PDXDC1: variants seen among roughly 807,000 people sequenced by gnomAD.
The protein encoded by PDXDC1 is pyridoxal dependent decarboxylase domain containing 1, also known as pyridoxal-dependent decarboxylase domain-containing protein 1.
PDXDC1 carries 42 observed loss-of-function variants against 100.1 expected under a neutral mutation model. The ratio of observed to expected loss-of-function variants is 0.42; its 90% CI spans 0.33 to 0.54. The LOEUF (loss-of-function observed/expected upper bound fraction) is 0.54. Ranked by LOEUF, PDXDC1 falls within the 20% of genes least tolerant of loss-of-function variation. The pLI is 0.10. For missense variants in PDXDC1, 636 were observed against 979.2 expected (o/e 0.65, Z 4.68); for synonymous variants, 260 against 371.7 (o/e 0.70, Z 3.46).
rs538101693 is a variant in PDXDC1 at position 15,032,906 on chromosome 16, C to G, written c.1617C>G (p.Pro539=). The G allele has an allele frequency of 3.1e-6, 5 of 1,612,350 alleles. No individual in the cohort carries two copies. Among genetic ancestry groups the G allele is most frequent in the Non-Finnish European group, 4.2e-6 (5 of 1,178,478 alleles). The change falls in exon 18 of 23, where the codon CCC becomes CCG. Residue 539 remains proline, a synonymous_variant. Transcript: ENST00000396410. ...ATAAGAGCAGTTTGAAATCAGATCC[C>G]GAAGGGGAAAACATCCATGCTGGAC... The part of the protein sequence containing the change: ...NDDKSSLKSD[P]EGENIHAGLL...
chr16:15,081,660 C>T (rs976901257), intron 16 of PDXDC1, among the ~76,000 whole-genome samples: 5 of 152,144 alleles, frequency 3.3e-5, no homozygotes, highest in African/African-American at 1.2e-4. Context: ...TCCTATGAAG[C>T]ATAACAACGT....
In PDXDC1 at chr16:15,135,071, G is replaced by C; in HGVS notation, c.1400-3808G>C. 11 of 581,844 alleles carry C rather than the reference G, an allele frequency of 1.9e-5. No homozygotes were observed. In the South Asian group the frequency reaches 2.1e-4, roughly 11 times the overall value. 36.0% of individuals were successfully genotyped at this position (581,844 alleles called of 1,614,324 possible). A position where few individuals can be genotyped will look rare whatever the true frequency, so the allele number is the denominator to read the frequency against. The stretch of plus-strand genomic sequence containing the variant: ...GGACTGTGTAGCTTTTGTCACTAGA[G>C]CATATGTGGCTTGAAGACTGTATGT... On this transcript the variant is annotated intron_variant, in intron 16 of 16. Coordinates refer to the PDXDC1 transcript ENST00000535621.
At chr16:14,982,059 A>G (rs1213190853) in intron 1 of PDXDC1, among the ~76,000 whole-genome samples, 3 of 152,264 alleles carry the variant, frequency 2.0e-5, no homozygotes, top group Non-Finnish European at 4.4e-5. Flanking sequence ...TGAACTCTGT[A>G]CCTCAGGTGG....
At chr16:15,129,969 T>C (rs2047961019) in intron 16 of PDXDC1, 1 of 1,373,294 alleles carries the variant, frequency 7.3e-7, no homozygotes, top group Non-Finnish European at 1.0e-6. Flanking sequence ...CGGCCCCGGC[T>C]GGCATCCAAC....
intron 19 of PDXDC1, 28 bp downstream of exon 19, chr16:15,033,427 C>G (rs1315778503): frequency 6.2e-6 from 10 of 1,609,338 alleles, no homozygotes; most frequent in Admixed American, 3.3e-5. Context: ...GTGTTCATTC[C>G]TCTTCTGAGT....
chr16:15,072,414 G>C (rs2045275776), intron 16 of PDXDC1, among the ~76,000 whole-genome samples: 1 of 152,154 alleles, frequency 6.6e-6, no homozygotes, highest in Non-Finnish European at 1.5e-5. Flanking sequence ...CTTAAGGGAA[G>C]AGCACCACCT....
At chr16:15,133,568 C>T (rs1391217099) in intron 16 of PDXDC1, 1 of 1,043,680 alleles carries the variant, frequency 9.6e-7, no homozygotes, top group Middle Eastern at 2.9e-4. Flanking sequence ...TGGCCTGAAA[C>T]CCGGGGGCAG....
Position 15,133,899 on chromosome 16 carries a change from G to C in PDXDC1, c.1400-4980G>C, listed in dbSNP as rs1310525269. 1.7e-5 allele frequency: 25 copies of C among 1,480,988 alleles called. 1 individual carries two copies. In the East Asian group the frequency reaches 5.4e-4, roughly 32 times the overall value. 91.7% of individuals were successfully genotyped at this position (1,480,988 alleles called of 1,614,324 possible). A position where few individuals can be genotyped will look rare whatever the true frequency, so the allele number is the denominator to read the frequency against. ...CGGGCGGTTGGGGGACAGGGGGATGGAGGCGCAGCCCTCCTCCTCGCCAGA... is the reference window on the plus strand; with the variant it reads ...CGGGCGGTTGGGGGACAGGGGGATGCAGGCGCAGCCCTCCTCCTCGCCAGA... On this transcript the variant is annotated intron_variant, in intron 16 of 16. Transcript: ENST00000535621.
At chr16:15,087,277 T>C (rs1332493520) in intron 16 of PDXDC1, among the ~76,000 whole-genome samples, 1 of 152,232 alleles carries the variant, frequency 6.6e-6, no homozygotes, top group African/African-American at 2.4e-5. Flanking sequence ...CCAGGCATGG[T>C]GCCTGACACT....
Position 15,037,638 on chromosome 16 carries a change from T to TTGAGA in PDXDC1, c.*1365_*1369dup, listed in dbSNP as rs1271330466. The TTGAGA allele has an allele frequency of 6.2e-6, 1 of 160,610 alleles. No homozygotes were observed. 9.9% of individuals were successfully genotyped at this position (160,610 alleles called of 1,614,324 possible). On this transcript the variant is annotated 3_prime_UTR_variant, in exon 23 of 23. Transcript: ENST00000396410. ...TTGGTTTTGCTGAAACATTTCACCC[T>TTGAGA]TGAGATATTATTTGAATGTTGGTTT...
At chr16:15,139,888 G>C (rs1393480070), downstream of PDXDC1, among the ~76,000 whole-genome samples, 2 of 152,080 alleles carry the variant, frequency 1.3e-5, no homozygotes, top group Admixed American at 1.3e-4. Flanking sequence ...ATGAGATCAA[G>C]AGATCGAGAC....
intron 16 of PDXDC1, chr16:15,130,641 G>A (rs1364966952): frequency 2.9e-6 from 4 of 1,356,112 alleles, no homozygotes; most frequent in South Asian, 1.2e-5. Context: ...TCACCCCGGG[G>A]AAATGAAGAA....
chr16:15,053,087 A>G (rs957354287), intron 16 of PDXDC1, among the ~76,000 whole-genome samples: 6 of 143,442 alleles, frequency 4.2e-5, no homozygotes, highest in Non-Finnish European at 9.3e-5. Flanking sequence ...GGCTACTGCA[A>G]CTGAGGAACT....
intron 13 of PDXDC1, among the ~76,000 whole-genome samples, chr16:15,024,332 C>T (rs768645356): frequency 4.3e-4 from 65 of 152,212 alleles, no homozygotes; most frequent in Non-Finnish European, 8.2e-4. Flanking sequence ...TTCATTTAAC[C>T]CTCCCAACAG....
intron 16 of PDXDC1, among the ~76,000 whole-genome samples, chr16:15,101,658 G>A (rs1268432971): frequency 4.7e-5 from 7 of 148,980 alleles, no homozygotes; most frequent in Non-Finnish European, 1.0e-4. Context: ...AACCTGGGAG[G>A]TGGAGGTTGC....
intron 3 of PDXDC1, among the ~76,000 whole-genome samples, chr16:15,001,315 C>A (rs1291404781): frequency 6.6e-6 from 1 of 152,240 alleles, no homozygotes; most frequent in East Asian, 1.9e-4. Context: ...ATGGTGAAAC[C>A]CCATCTCTAC....
At chr16:15,128,216 A>T in intron 16 of PDXDC1, 1 of 1,611,268 alleles carries the variant, frequency 6.2e-7, no homozygotes, top group Non-Finnish European at 8.5e-7. Context: ...CAGGGTCCGC[A>T]CAGACCTTTG....
intron 16 of PDXDC1, chr16:15,083,697 C>A: frequency 3.5e-6 from 5 of 1,437,938 alleles, no homozygotes; most frequent in Non-Finnish European, 4.7e-6. Context: ...CAAACAGGAA[C>A]CCCTACCTCA....
At chr16:15,125,449 T>G in intron 16 of PDXDC1, 1 of 879,038 alleles carries the variant, frequency 1.1e-6, no homozygotes, top group Non-Finnish European at 1.9e-6. Flanking sequence ...TGTGACCACA[T>G]GGAGCCACAG....
Sources: gnomAD v4.1 joint callset for allele counts (sites outside exome capture counted in the v4.1 genomes callset) on GRCh38, gnomAD v4.1.1 for gene constraint, MANE v1.5 for transcripts, NCBI Gene and HGNC (gene_info 2026-07-23, HGNC 2026-07-21) for gene names.